APBA2: variants seen among roughly 807,000 people sequenced by gnomAD.
The protein encoded by APBA2 is amyloid-beta A4 precursor protein-binding family A member 2.
APBA2 carries 30 observed loss-of-function variants against 75.0 expected under a neutral mutation model. That is an observed-to-expected ratio of 0.40 (90% CI 0.30 to 0.54). The LOEUF is 0.54. Ranked by LOEUF, APBA2 falls within the 20% of genes least tolerant of loss-of-function variation. The pLI is 0.49. For missense variants in APBA2, 801 were observed against 1,016.1 expected (o/e 0.79, Z 2.88); for synonymous variants, 444 against 409.6 (o/e 1.08, Z -1.01).
intron 1 of APBA2, among the ~76,000 whole-genome samples, chr15:28,891,996 A>G (rs1175146015): frequency 6.6e-6 from 1 of 152,112 alleles, no homozygotes; most frequent in Non-Finnish European, 1.5e-5. Context: ...GTACAGATGG[A>G]CTCACCCAGA....
At chr15:28,903,325 A>G (rs1250956960) in intron 1 of APBA2, among the ~76,000 whole-genome samples, 1 of 152,176 alleles carries the variant, frequency 6.6e-6, no homozygotes, top group East Asian at 1.9e-4. Flanking sequence ...AGTGCGGTTG[A>G]CCGTCCAGTG....
At chr15:28,943,741 AGCCCTGGCTCC>A (rs1243747680) in intron 2 of APBA2, among the ~76,000 whole-genome samples, 1 of 144,914 alleles carries the variant, frequency 6.9e-6, no homozygotes, top group African/African-American at 2.7e-5. Context: ...CGGCTCCTCC[AGCCCTGGCTCC>A]TCCAGCCCTG....
chr15:28,947,335 C>G (rs1243125496), intron 2 of APBA2, among the ~76,000 whole-genome samples: 2 of 152,192 alleles, frequency 1.3e-5, no homozygotes, highest in African/African-American at 4.8e-5. Context: ...TGGCTGCATG[C>G]TGACTGGCCG....
intron 1 of APBA2, among the ~76,000 whole-genome samples, chr15:28,908,638 G>A (rs879319681): frequency 6.6e-6 from 1 of 152,206 alleles, no homozygotes; most frequent in Non-Finnish European, 1.5e-5. Context: ...TTTACACTGG[G>A]GCTTTTCTTT....
chr15:28,983,037 A>G (rs533954296), intron 2 of APBA2, among the ~76,000 whole-genome samples: 2 of 152,310 alleles, frequency 1.3e-5, no homozygotes, highest in South Asian at 4.1e-4. Flanking sequence ...GTGAAATAGG[A>G]AGTCACTGCC....
chr15:28,915,172 T>TACCCCATGTATACCACACACCACAC (rs2033623974), intron 1 of APBA2, among the ~76,000 whole-genome samples: 1 of 2,372 alleles, frequency 4.2e-4, no homozygotes, highest in Non-Finnish European at 9.7e-4. Flanking sequence ...ACACACCACA[T>TACCCCATGTATACCACACACCACAC]ACATACCCCA....
intron 6 of APBA2, among the ~76,000 whole-genome samples, chr15:29,090,691 A>T (rs541522833): frequency 6.6e-6 from 1 of 152,260 alleles, no homozygotes; most frequent in East Asian, 1.9e-4. Context: ...TTTCCTGCAG[A>T]ACAAAGTGAC....
intron 2 of APBA2, among the ~76,000 whole-genome samples, chr15:28,928,142 TAA>T (rs71132859): frequency 6.8e-5 from 9 of 131,398 alleles, no homozygotes; most frequent in Non-Finnish European, 4.8e-5. Context: ...AGACTCCATC[TAA>T]AAAAAAAAAA....
intron 4 of APBA2, among the ~76,000 whole-genome samples, chr15:29,056,582 C>CTCCT: frequency 2.1e-3 from 2 of 936 alleles, no homozygotes; most frequent in Non-Finnish European, 5.1e-3. Flanking sequence ...CCCTTCCTCC[C>CTCCT]TCCCTCCCTC....
intron 4 of APBA2, among the ~76,000 whole-genome samples, chr15:29,065,166 C>T (rs1458410513): frequency 6.6e-6 from 1 of 152,104 alleles, no homozygotes; most frequent in Non-Finnish European, 1.5e-5. Context: ...AGGCCCCGTA[C>T]CTCCCGTTCT....
At chr15:28,998,355 T>C (rs1440808899) in intron 3 of APBA2, among the ~76,000 whole-genome samples, 1 of 152,162 alleles carries the variant, frequency 6.6e-6, no homozygotes, top group Non-Finnish European at 1.5e-5. Context: ...AAGCTGTATT[T>C]AAATCACGGC....
intron 2 of APBA2, among the ~76,000 whole-genome samples, chr15:28,924,024 G>A (rs1187401485): frequency 6.6e-6 from 1 of 152,184 alleles, no homozygotes; most frequent in African/African-American, 2.4e-5. Flanking sequence ...AAAAGCCAGC[G>A]GTCAACCTGG....
chr15:28,899,570 G>C (rs1022409039), intron 1 of APBA2, among the ~76,000 whole-genome samples: 2 of 152,186 alleles, frequency 1.3e-5, no homozygotes, highest in African/African-American at 4.8e-5. Context: ...TGCTCAGGGC[G>C]TCGTGTGTGC....
At chr15:29,090,093 G>A (rs941891796) in intron 6 of APBA2, among the ~76,000 whole-genome samples, 4 of 152,312 alleles carry the variant, frequency 2.6e-5, no homozygotes, top group South Asian at 2.1e-4. Context: ...TTCTCCTCCC[G>A]TGGTGCGTGT....
rs771773687 is a variant in APBA2 at position 29,106,570 on chromosome 15, G to A, written c.1705-37G>A. On this transcript the variant is annotated intron_variant, in intron 11 of 14. Transcript: ENST00000683413. ...GTCCTTGGCAGAGGCCTCGGTCCTT[G>A]CCGCCAGCCCCTCTCACACTGCTGA... 2.5e-6 allele frequency: 4 copies of A among 1,611,086 alleles called. No homozygotes were observed. In the Admixed American group the frequency reaches 6.7e-5, roughly 27 times the overall value.
intron 2 of APBA2, among the ~76,000 whole-genome samples, chr15:28,981,669 G>T (rs960039314): frequency 6.6e-6 from 1 of 152,116 alleles, no homozygotes; most frequent in African/African-American, 2.4e-5. Flanking sequence ...ATTTCCAAAA[G>T]AAAATAAATC....
chr15:28,985,004 GGCTTGGATT>G lies in APBA2; in HGVS notation c.-94-10747_-94-10739del, dbSNP rs138366862. The stretch of plus-strand genomic sequence containing the variant: ...GGGGGAGCTGCCTGGGATGCAGAGC[GGCTTGGATT>G]GGTGCTCCCTCTGCCTCAGTGGTTG... On this transcript the variant is annotated intron_variant, in intron 2 of 14. Coordinates refer to ENST00000683413, the MANE Select transcript of APBA2 (RefSeq NM_001353788.2). Among the ~76,000 whole-genome samples, 600 of 152,186 alleles carry G rather than the reference GGCTTGGATT, an allele frequency of 3.9e-3. 4 individuals are homozygous for G. Among genetic ancestry groups the G allele is most frequent in the African/African-American group, 0.014 (580 of 41,492 alleles).
chr15:29,031,137 G>A (rs988091829), intron 3 of APBA2, among the ~76,000 whole-genome samples: 3 of 151,740 alleles, frequency 2.0e-5, no homozygotes, highest in Non-Finnish European at 4.4e-5. Flanking sequence ...AGCAGTCTTC[G>A]TGCCATTTTT....
At chr15:29,015,893 C>A (rs1301663499) in intron 3 of APBA2, among the ~76,000 whole-genome samples, 1 of 152,190 alleles carries the variant, frequency 6.6e-6, no homozygotes, top group Non-Finnish European at 1.5e-5. Context: ...TGGCCACTGC[C>A]CCCTGGCCCC....
Sources: gnomAD v4.1 joint callset for allele counts (sites outside exome capture counted in the v4.1 genomes callset) on GRCh38, gnomAD v4.1.1 for gene constraint, MANE v1.5 for transcripts, NCBI Gene and HGNC (gene_info 2026-07-23, HGNC 2026-07-21) for gene names.